The following CNTNAP2 variants were observed in gnomAD, a reference collection of about 807,000 sequenced individuals.
CNTNAP2 encodes the protein contactin associated protein 2.
CNTNAP2 carries 98 observed loss-of-function variants against 155.2 expected under a neutral mutation model. The observed-to-expected ratio is 0.63, with a 90% CI of 0.54 to 0.75. CNTNAP2 has a LOEUF of 0.75. Among genes scored for constraint, CNTNAP2 ranks in the 30% least tolerant of loss-of-function variants. The pLI, the probability that CNTNAP2 is intolerant of heterozygous loss-of-function variation, is 0.00. For synonymous variants in CNTNAP2, 651 were observed against 631.2 expected (o/e 1.03, Z -0.47); for missense variants, 1,727 against 1,688.1 (o/e 1.02, Z -0.40).
intron 15 of CNTNAP2, among the ~76,000 whole-genome samples, chr7:148,031,215 C>T (rs1483293798): frequency 6.6e-6 from 1 of 152,122 alleles, no homozygotes; most frequent in Non-Finnish European, 1.5e-5. Flanking sequence ...AAAGGGATAG[C>T]TCCCGGGTCC....
At chr7:147,326,668 G>T (rs1217177923) in intron 9 of CNTNAP2, among the ~76,000 whole-genome samples, 2 of 152,176 alleles carry the variant, frequency 1.3e-5, no homozygotes, top group African/African-American at 2.4e-5. Context: ...GGTTCTGATT[G>T]TTCCACATCC....
chr7:146,387,541 A>G (rs746881533), intron 1 of CNTNAP2, among the ~76,000 whole-genome samples: 12 of 152,198 alleles, frequency 7.9e-5, no homozygotes, highest in Non-Finnish European at 1.3e-4. Flanking sequence ...AGTTTCATGA[A>G]GTAATATGTT....
chr7:147,618,615 G>T (rs761324616), intron 12 of CNTNAP2, among the ~76,000 whole-genome samples: 8 of 149,534 alleles, frequency 5.3e-5, no homozygotes, highest in African/African-American at 1.2e-4. Context: ...ACATAGAAAA[G>T]AATCAGGAAA....
intron 13 of CNTNAP2, among the ~76,000 whole-genome samples, chr7:147,816,933 C>T: frequency 6.6e-6 from 1 of 152,108 alleles, no homozygotes; most frequent in East Asian, 1.9e-4. Flanking sequence ...TATTTTTTCT[C>T]TTAAGATAAT....
chr7:147,150,933 G>A (rs1393558945), intron 8 of CNTNAP2, among the ~76,000 whole-genome samples: 1 of 152,130 alleles, frequency 6.6e-6, no homozygotes, highest in South Asian at 2.1e-4. Context: ...ATCAGCCAAG[G>A]GATGTTTTTA....
At chr7:146,848,670 A>C (rs1012100664) in intron 3 of CNTNAP2, among the ~76,000 whole-genome samples, 6 of 152,058 alleles carry the variant, frequency 3.9e-5, no homozygotes, top group Admixed American at 3.9e-4. Context: ...AGTCATTCCA[A>C]GCAGATGAAT....
intron 15 of CNTNAP2, among the ~76,000 whole-genome samples, chr7:148,095,334 C>T (rs1240806641): frequency 1.3e-5 from 2 of 152,216 alleles, no homozygotes; most frequent in Admixed American, 6.5e-5. Context: ...CTTGGCAGAT[C>T]GTCCCTGTGT....
intron 18 of CNTNAP2, among the ~76,000 whole-genome samples, chr7:148,212,012 G>T (rs1018359574): frequency 1.3e-5 from 2 of 152,268 alleles, no homozygotes; most frequent in South Asian, 2.1e-4. Flanking sequence ...CAAAATATAG[G>T]TTGCAAAATC....
chr7:148,116,291 G>A (rs994509485), intron 15 of CNTNAP2, among the ~76,000 whole-genome samples: 1 of 152,056 alleles, frequency 6.6e-6, no homozygotes, highest in Non-Finnish European at 1.5e-5. Flanking sequence ...AATGCCATTG[G>A]CTGAGACAGC....
chr7:147,581,247 T>C (rs1374248718), intron 12 of CNTNAP2, among the ~76,000 whole-genome samples: 1 of 152,238 alleles, frequency 6.6e-6, no homozygotes, highest in African/African-American at 2.4e-5. Flanking sequence ...TATAAGATAC[T>C]GTATAAATTT....
chr7:147,088,332 G>A (rs1385661864), intron 4 of CNTNAP2, among the ~76,000 whole-genome samples: 1 of 152,120 alleles, frequency 6.6e-6, no homozygotes, highest in Non-Finnish European at 1.5e-5. Flanking sequence ...CTTTTCTGTG[G>A]TAGCTGTCAA....
rs1357377077 is a variant in CNTNAP2, at chr7:148,181,971, A to C, written c.3010+9493A>C. On this transcript the variant is annotated intron_variant, in intron 18 of 23. Transcript: ENST00000361727. ...ACGGGGTTTCACCATGTTGGCCAGG[A>C]TGGTCTCGATCTCCTGACCTCGTGA... Among the ~76,000 whole-genome samples, 4 of 150,878 alleles carry C rather than the reference A, an allele frequency of 2.7e-5. No homozygotes were observed. In the East Asian group the frequency reaches 7.9e-4, roughly 30 times the overall value.
At chr7:147,375,381 C>T (rs529041376) in intron 9 of CNTNAP2, among the ~76,000 whole-genome samples, 159 of 152,110 alleles carry the variant, frequency 1.0e-3, no homozygotes, top group African/African-American at 3.7e-3. Context: ...GTCTGTTTTA[C>T]AGTAACATTG....
chr7:147,137,668 T>C (rs1010870710), intron 8 of CNTNAP2, among the ~76,000 whole-genome samples: 7 of 151,950 alleles, frequency 4.6e-5, no homozygotes, highest in African/African-American at 1.7e-4. Flanking sequence ...CAACAGAATT[T>C]CAATTGCATT....
At chr7:147,218,833 C>T (rs1803331385) in intron 8 of CNTNAP2, among the ~76,000 whole-genome samples, 1 of 152,122 alleles carries the variant, frequency 6.6e-6, no homozygotes. Flanking sequence ...TTAAAGTCTC[C>T]AACTATAATG....
intron 1 of CNTNAP2, among the ~76,000 whole-genome samples, chr7:146,166,992 G>T (rs1404015184): frequency 2.0e-5 from 3 of 152,232 alleles, no homozygotes; most frequent in African/African-American, 7.2e-5. Context: ...CACCTGACAT[G>T]TAGGGGGAAG....
chr7:148,409,332 A>G (rs893995930), intron 22 of CNTNAP2, 59 bp from the exon 23 acceptor site: 65 of 1,332,914 alleles, frequency 4.9e-5, no homozygotes, highest in Non-Finnish European at 6.9e-5. Context: ...ATAGGTATCA[A>G]ATTATTTGGG....
At chr7:146,534,881 G>T (rs1297251246) in intron 1 of CNTNAP2, among the ~76,000 whole-genome samples, 2 of 149,374 alleles carry the variant, frequency 1.3e-5, no homozygotes, top group Non-Finnish European at 3.0e-5. Flanking sequence ...TTCTTCCATA[G>T]CTCATAAACA....
At chr7:147,460,022 T>G (rs1166797483) in intron 10 of CNTNAP2, among the ~76,000 whole-genome samples, 1 of 151,946 alleles carries the variant, frequency 6.6e-6, no homozygotes, top group Non-Finnish European at 1.5e-5. Flanking sequence ...GGAATAGCAT[T>G]AGGAGAAATA....
Sources: allele counts gnomAD v4.1 joint callset (sites outside exome capture counted in the v4.1 genomes callset), GRCh38; gene constraint gnomAD v4.1.1; transcripts MANE v1.5; gene names NCBI Gene and HGNC (gene_info 2026-07-23, HGNC 2026-07-21).